The following GRID2 variants were observed in gnomAD, a reference collection of about 807,000 sequenced individuals.
GRID2 encodes glutamate ionotropic receptor delta type subunit 2, also known as glutamate receptor ionotropic, delta-2.
A neutral mutation model predicts 114.8 loss-of-function variants in GRID2; 33 were observed. That is an observed-to-expected ratio of 0.29 (90% CI 0.22 to 0.38). The LOEUF is 0.38. GRID2 is among the 10% of genes least tolerant of loss of function. GRID2 has a pLI of 1.00. For missense variants in GRID2, 1,184 were observed against 1,257.7 expected (o/e 0.94, Z 0.89); for synonymous variants, 505 against 449.9 (o/e 1.12, Z -1.55).
At chr4:92,588,284 A>C (rs1012486675) in intron 1 of GRID2, among the ~76,000 whole-genome samples, 3 of 152,092 alleles carry the variant, frequency 2.0e-5, no homozygotes, top group Non-Finnish European at 4.4e-5. Flanking sequence ...TTAAGTAAAA[A>C]TTAAAGTCTA....
At chr4:92,944,516 A>G (rs1426513306) in intron 2 of GRID2, among the ~76,000 whole-genome samples, 2 of 152,020 alleles carry the variant, frequency 1.3e-5, no homozygotes, top group Non-Finnish European at 2.9e-5. Flanking sequence ...GACCCCTTAC[A>G]CTTCCCGGTT....
intron 2 of GRID2, among the ~76,000 whole-genome samples, chr4:92,753,034 A>G (rs528725572): frequency 1.1e-4 from 17 of 152,292 alleles, no homozygotes; most frequent in African/African-American, 4.1e-4. Context: ...AAATGAATGA[A>G]TATTCATAGC....
At chr4:93,644,894 A>G (rs891397954) in intron 14 of GRID2, among the ~76,000 whole-genome samples, 8 of 152,198 alleles carry the variant, frequency 5.3e-5, no homozygotes, top group Admixed American at 3.9e-4. Flanking sequence ...AAAATATGCA[A>G]TGAAATGAAA....
intron 3 of GRID2, among the ~76,000 whole-genome samples, chr4:93,088,631 C>G (rs188400265): frequency 6.6e-6 from 1 of 151,960 alleles, no homozygotes; most frequent in Non-Finnish European, 1.5e-5. Context: ...GAAACAGCCC[C>G]CCTACCAATA....
At chr4:92,568,944 G>A in intron 1 of GRID2, among the ~76,000 whole-genome samples, 1 of 151,000 alleles carries the variant, frequency 6.6e-6, no homozygotes, top group Non-Finnish European at 1.5e-5. Context: ...TGATGTATAT[G>A]TACCACATTT....
intron 8 of GRID2, among the ~76,000 whole-genome samples, chr4:93,348,324 G>A (rs1760448213): frequency 6.6e-6 from 1 of 152,056 alleles, no homozygotes; most frequent in Non-Finnish European, 1.5e-5. Flanking sequence ...TAAGCATTTT[G>A]CAAAACACAT....
At chr4:93,354,536 T>A (rs952829007) in intron 8 of GRID2, among the ~76,000 whole-genome samples, 9 of 151,824 alleles carry the variant, frequency 5.9e-5, no homozygotes, top group Non-Finnish European at 1.2e-4. Context: ...TACCAATCCC[T>A]GTATCACCAT....
chr4:92,829,280 C>T lies in GRID2; in HGVS notation c.244+238994C>T, dbSNP rs551053639. Among the ~76,000 whole-genome samples the T allele has an allele frequency of 1.2e-4, 18 of 152,124 alleles. No individual in the cohort carries two copies. In the East Asian group the frequency reaches 1.5e-3, roughly 13 times the overall value. ...CCATTTATTAAATAGGGAATCCTTT[C>T]GTCATTGCTTGTTTTTGTCAGAAGA... On this transcript the variant is annotated intron_variant, in intron 2 of 15. Coordinates refer to ENST00000282020, the MANE Select transcript of GRID2 (RefSeq NM_001510.4).
At chr4:92,492,181 A>AT in intron 1 of GRID2, among the ~76,000 whole-genome samples, 1 of 152,316 alleles carries the variant, frequency 6.6e-6, no homozygotes, top group Non-Finnish European at 1.5e-5. Context: ...GAATCTAGAA[A>AT]GGGATCTTAT....
Position 92,886,194 on chromosome 4 carries a change from A to C in GRID2, c.245-198801A>C, listed in dbSNP as rs553311777. Reference sequence around the variant, plus strand: ...GCCAGTGGGTGGAGCAGCCAGAACCAGCACAACATTTATTAGTCAATTTTG... The same window carrying C: ...GCCAGTGGGTGGAGCAGCCAGAACCCGCACAACATTTATTAGTCAATTTTG... On this transcript the variant is annotated intron_variant, in intron 2 of 15. Transcript: ENST00000282020. Among the ~76,000 whole-genome samples, 12 of 152,316 alleles carry C rather than the reference A, an allele frequency of 7.9e-5. No homozygotes were observed. The South Asian group carries it at 2.5e-3, about 32-fold the overall frequency.
chr4:92,472,263 T>G (rs1460668386), intron 1 of GRID2, among the ~76,000 whole-genome samples: 1 of 152,156 alleles, frequency 6.6e-6, no homozygotes, highest in Non-Finnish European at 1.5e-5. Flanking sequence ...TGTCAATAGT[T>G]CATTGCTTGT....
At chr4:92,786,344 G>A (rs745801763) in intron 2 of GRID2, among the ~76,000 whole-genome samples, 2 of 151,742 alleles carry the variant, frequency 1.3e-5, no homozygotes, top group African/African-American at 4.8e-5. Context: ...AATATTTATC[G>A]TGATATCTGC....
rs1350247570 is a variant in GRID2 at position 93,425,665 on chromosome 4, C to T, written c.1545+2697C>T. ...GAAAGTTTATACACAGATTTTGGGG[C>T]TCACTCCTCTGTGGCATCCTCCTTC... On this transcript the variant is annotated intron_variant, in intron 10 of 15. Coordinates refer to ENST00000282020, the MANE Select transcript of GRID2 (RefSeq NM_001510.4). Among the ~76,000 whole-genome samples the T allele has an allele frequency of 3.9e-5, 6 of 152,148 alleles. No homozygotes were observed. In the East Asian group the frequency reaches 1.2e-3, roughly 29 times the overall value.
At chr4:93,715,047 A>G (rs142642646) in intron 14 of GRID2, among the ~76,000 whole-genome samples, 6,415 of 152,000 alleles carry the variant, frequency 0.042, 220 homozygotes, top group African/African-American at 0.085. Flanking sequence ...TTTCTTCTAG[A>G]GTTTTTATAG....
intron 8 of GRID2, among the ~76,000 whole-genome samples, chr4:93,261,162 AC>A (rs1464229434): frequency 2.0e-5 from 3 of 151,892 alleles, no homozygotes; most frequent in African/African-American, 7.2e-5. Flanking sequence ...TTAAAAAAAA[AC>A]ATCAATACTC....
intron 13 of GRID2, among the ~76,000 whole-genome samples, chr4:93,616,453 A>C (rs1001515472): frequency 6.6e-6 from 1 of 150,952 alleles, no homozygotes; most frequent in Non-Finnish European, 1.5e-5. Context: ...AGGTTGAGGC[A>C]GGAAAATGGT....
In GRID2 at chr4:92,976,177, G is replaced by GATCT. The variant is rs537058207; in HGVS notation, c.245-108817_245-108814dup. Among the ~76,000 whole-genome samples the GATCT allele has an allele frequency of 4.7e-4, 72 of 152,062 alleles. 2 individuals are homozygous for GATCT. In the East Asian group the frequency reaches 7.9e-3, roughly 17 times the overall value. ...TTTCACCTTGGTCATAATAAATAAT[G>GATCT]ATCTGGTCAAGTAAAAATAAAAATT... On this transcript the variant is annotated intron_variant, in intron 2 of 15. Coordinates refer to ENST00000282020, the MANE Select transcript of GRID2 (RefSeq NM_001510.4).
At chr4:92,536,882 T>G (rs1487596626) in intron 1 of GRID2, among the ~76,000 whole-genome samples, 1 of 152,186 alleles carries the variant, frequency 6.6e-6, no homozygotes, top group Non-Finnish European at 1.5e-5. Flanking sequence ...TTTGTTTCCA[T>G]ATGAATACCC....
At chr4:93,544,704 G>A (rs560353907) in intron 13 of GRID2, among the ~76,000 whole-genome samples, 1 of 151,322 alleles carries the variant, frequency 6.6e-6, no homozygotes, top group Non-Finnish European at 1.5e-5. Context: ...TTGAACTCGG[G>A]AGGCGGAGAC....
Sources: gnomAD v4.1 joint callset for allele counts (sites outside exome capture counted in the v4.1 genomes callset) on GRCh38, gnomAD v4.1.1 for gene constraint, MANE v1.5 for transcripts, NCBI Gene and HGNC (gene_info 2026-07-23, HGNC 2026-07-21) for gene names.